APOL3: variants seen among roughly 807,000 people sequenced by gnomAD.
APOL3 encodes the protein TNF-inducible protein CG12-1.
APOL3 carries 14 observed loss-of-function variants against 11.6 expected under a neutral mutation model. The observed-to-expected ratio is 1.21, with a 90% CI of 0.80 to 1.89. The LOEUF (loss-of-function observed/expected upper bound fraction) is 1.89. Among genes scored for constraint, APOL3 ranks in the 40% most tolerant of loss-of-function variants. The pLI is 0.00. For missense variants in APOL3, 483 were observed against 492.1 expected (o/e 0.98, Z 0.17); for synonymous variants, 192 against 190.6 (o/e 1.01, Z -0.06).
chr22:36,148,992 T>C, intron 1 of APOL3, 54 bp downstream of exon 2: 3 of 1,359,822 alleles, frequency 2.2e-6, no homozygotes, highest in Non-Finnish European at 3.0e-6. Context: ...AACGCCACCC[T>C]CCATTCTAGG....
At chr22:36,147,907 A>G (rs2060278216) in intron 1 of APOL3, among the ~76,000 whole-genome samples, 1 of 152,210 alleles carries the variant, frequency 6.6e-6, no homozygotes, top group African/African-American at 2.4e-5. Context: ...GTCGTTTCAG[A>G]TGGGTGCTTA....
At chr22:36,141,031 C>A in exon 3 of APOL3, 1 of 935,996 alleles carries the variant, frequency 1.1e-6, no homozygotes, top group South Asian at 1.7e-5. Context: ...GTGCACTTGC[C>A]ATCTGCATTA....
upstream of APOL3, among the ~76,000 whole-genome samples, chr22:36,162,804 T>A (rs57970118): frequency 0.017 from 2,633 of 152,346 alleles, 63 homozygotes; most frequent in African/African-American, 0.06. Flanking sequence ...TTCCTGGTAA[T>A]ATCTTAGTGC....
chr22:36,157,007 C>CT (rs1036896340), intron 1 of APOL3: 4 of 456,214 alleles, frequency 8.8e-6, no homozygotes, highest in Non-Finnish European at 1.3e-5. Flanking sequence ...ATGCTCATCT[C>CT]TTTTTGGGGA....
At chr22:36,144,166 A>G (rs529516597) in intron 2 of APOL3, among the ~76,000 whole-genome samples, 2 of 152,142 alleles carry the variant, frequency 1.3e-5, no homozygotes, top group African/African-American at 2.4e-5. Flanking sequence ...GGGAAGAAAT[A>G]TCCCTCTCCC....
chr22:36,161,907 A>G (rs2013719902), upstream of APOL3, among the ~76,000 whole-genome samples: 2 of 152,170 alleles, frequency 1.3e-5, no homozygotes, highest in Non-Finnish European at 2.9e-5. Context: ...GGTTCACAGC[A>G]GGCTTGCAAG....
chr22:36,141,094 G>C, exon 3 of APOL3: 2 of 1,495,202 alleles, frequency 1.3e-6, no homozygotes, highest in Non-Finnish European at 1.8e-6. Flanking sequence ...CTAACACTCA[G>C]CTCCATAAAC....
chr22:36,145,292 GTCAC>G (rs2060151365), intron 2 of APOL3, among the ~76,000 whole-genome samples, 177 bp downstream of exon 3: 1 of 152,192 alleles, frequency 6.6e-6, no homozygotes, highest in Non-Finnish European at 1.5e-5. Flanking sequence ...TCAGCCTGAG[GTCAC>G]TCACTGCCAG....
At chr22:36,157,232 C>T (rs2013045448) in intron 1 of APOL3, among the ~76,000 whole-genome samples, 1 of 152,196 alleles carries the variant, frequency 6.6e-6, no homozygotes, top group African/African-American at 2.4e-5. Context: ...ATGGCCCAGG[C>T]CTGCATCTGG....
chr22:36,160,098 G>T (rs1407464951), intron 1 of APOL3, among the ~76,000 whole-genome samples: 1 of 152,068 alleles, frequency 6.6e-6, no homozygotes, highest in Non-Finnish European at 1.5e-5. Context: ...GGCCAGGCAG[G>T]TCTCGAACTC....
chr22:36,149,414 C>T (rs1439593391), intron 1 of APOL3: 1 of 1,297,408 alleles, frequency 7.7e-7, no homozygotes. Context: ...AAGGGATGGA[C>T]ATCTGATAAT....
At chr22:36,158,049 CATAA>C (rs58569199) in intron 1 of APOL3, among the ~76,000 whole-genome samples, 12 of 151,670 alleles carry the variant, frequency 7.9e-5, no homozygotes, top group East Asian at 5.8e-4. Context: ...GACTCCATCT[CATAA>C]ATAAATAAAT....
intron 1 of APOL3, among the ~76,000 whole-genome samples, chr22:36,146,770 C>T (rs1228178501): frequency 6.6e-6 from 1 of 151,964 alleles, no homozygotes; most frequent in East Asian, 1.9e-4. Flanking sequence ...TGAATATTCA[C>T]CTTAAATGGG....
chr22:36,145,663 A>G, intron 1 of APOL3, 64 bp from the exon 3 acceptor site: 1 of 1,588,648 alleles, frequency 6.3e-7, no homozygotes, highest in Non-Finnish European at 8.6e-7. Context: ...GGCATTGAGA[A>G]TAAGGTGGTT....
intron 2 of APOL3, among the ~76,000 whole-genome samples, chr22:36,144,627 C>T (rs1055075128): frequency 5.3e-5 from 8 of 152,070 alleles, no homozygotes; most frequent in Non-Finnish European, 8.8e-5. Flanking sequence ...AGAAAAGGGC[C>T]CCGGACAGCA....
chr22:36,151,811 G>T (rs868703219), intron 1 of APOL3, among the ~76,000 whole-genome samples: 13 of 152,160 alleles, frequency 8.5e-5, no homozygotes, highest in African/African-American at 2.9e-4. Context: ...AAATGAACCA[G>T]GTGTGGTGAT....
At chr22:36,145,980 T>TTCTCTCTCTCTCTC (rs71193207) in intron 1 of APOL3, among the ~76,000 whole-genome samples, 1,258 of 118,206 alleles carry the variant, frequency 0.011, 13 homozygotes, top group East Asian at 0.06. Context: ...CTGTCTCTCT[T>TTCTCTCTCTCTCTC]TCTCTCTCTC....
At chr22:36,165,822 C>T (rs756403341), upstream of APOL3, 2 of 152,008 alleles carry the variant, frequency 1.3e-5, no homozygotes, top group East Asian at 1.9e-4. Flanking sequence ...TAATTGTCAC[C>T]GATCTACCCA....
chr22:36,154,284 A>G (rs2146855725), intron 1 of APOL3, among the ~76,000 whole-genome samples: 1 of 152,294 alleles, frequency 6.6e-6, no homozygotes, highest in East Asian at 1.9e-4. Context: ...TTTGGTTTAT[A>G]CCGCTTATAT....
Sources: allele counts gnomAD v4.1 joint callset (sites outside exome capture counted in the v4.1 genomes callset), GRCh38; gene constraint gnomAD v4.1.1; transcripts MANE v1.5; gene names NCBI Gene and HGNC (gene_info 2026-07-23, HGNC 2026-07-21).